The following DUOX2 variants were observed in gnomAD, a reference collection of about 807,000 sequenced individuals.
DUOX2 encodes the protein NADH/NADPH thyroid oxidase p138-tox.
Under a neutral mutation model 183.3 loss-of-function variants are expected in DUOX2, and 185 were observed. That is an observed-to-expected ratio of 1.01 (90% CI 0.90 to 1.14). DUOX2 has a LOEUF of 1.14. DUOX2 is among the 50% of genes most tolerant of loss of function. The pLI, the probability that DUOX2 is intolerant of heterozygous loss-of-function variation, is 0.00. For synonymous variants in DUOX2, 788 were observed against 812.4 expected (o/e 0.97, Z 0.51); for missense variants, 1,999 against 2,022.9 (o/e 0.99, Z 0.23).
intron 20 of DUOX2, among the ~76,000 whole-genome samples, chr15:45,103,614 T>C (rs1340025035): frequency 6.6e-6 from 1 of 152,092 alleles, no homozygotes. Flanking sequence ...TAGAGCACGG[T>C]GTTGGGCGTG....
intron 24 of DUOX2, 50 bp from the exon 25 acceptor site, chr15:45,099,942 C>A (rs774200790): frequency 3.7e-6 from 6 of 1,612,122 alleles, no homozygotes; most frequent in Non-Finnish European, 5.1e-6. Context: ...GCCAAGGTCC[C>A]GAGCCCTGGG....
chr15:45,100,740 T>C lies in DUOX2; in HGVS notation c.3005+15A>G, dbSNP rs1407755911. 1.2e-6 allele frequency: 2 copies of C among 1,612,490 alleles called. No homozygotes were observed. The highest frequency in any genetic ancestry group is 1.7e-6 in the Non-Finnish European group (2 of 1,178,638). On this transcript the variant is annotated intron_variant, in intron 23 of 33. Coordinates refer to ENST00000389039, the MANE Select transcript of DUOX2 (RefSeq NM_001363711.2). ...TCCATGTCTCTTTGGGCCCAGGGATTTGGGAGACACTCACTTTTTGCCAAA... is the reference window on the plus strand; with the variant it reads ...TCCATGTCTCTTTGGGCCCAGGGATCTGGGAGACACTCACTTTTTGCCAAA...
chr15:45,106,805 C>T (rs1339617340), intron 15 of DUOX2, 27 bp downstream of exon 15: 7 of 1,598,286 alleles, frequency 4.4e-6, no homozygotes, highest in Non-Finnish European at 6.0e-6. Flanking sequence ...CAGGGCCAGT[C>T]TGCAGAGAGG....
At position 45,101,892 on chromosome 15, in the gene DUOX2, C is replaced by A. The variant is rs1380632698; in HGVS notation, c.2752G>T (p.Glu918Ter). 1 of 1,614,230 alleles carries A rather than the reference C, an allele frequency of 6.2e-7. No homozygotes were observed. Among genetic ancestry groups the A allele is most frequent in the Admixed American group, 1.7e-5 (1 of 60,028 alleles). Residue 918 changes from glutamate to a stop codon, truncating the protein, a stop_gained, in exon 21 of 34, where the codon GAG (glutamate) becomes TAG (stop). Coordinates refer to ENST00000389039, the MANE Select transcript of DUOX2 (RefSeq NM_001363711.2). LOFTEE classifies it high-confidence loss of function. ...FRESGFQDKE[E>*]LTWEDFHFML... is the part of the protein sequence containing the mutation. ...AAGTGAAAATCCTCCCATGTCAGCTCCTCCTTGTCCTGGAATCCCGACTCC... is the reference window on the plus strand; with the variant it reads ...AAGTGAAAATCCTCCCATGTCAGCTACTCCTTGTCCTGGAATCCCGACTCC...
chr15:45,096,548 A>G (rs1421487667), intron 29 of DUOX2, among the ~76,000 whole-genome samples: 2 of 152,252 alleles, frequency 1.3e-5, no homozygotes, highest in African/African-American at 4.8e-5. Flanking sequence ...TGTCCTACAT[A>G]GAAGACAACA....
rs201514147 is a variant in DUOX2 at position 45,112,541 on chromosome 15, C to G, written c.325+13G>C. The G allele has an allele frequency of 7.9e-5, 127 of 1,612,482 alleles. 1 individual carries two copies. In the East Asian group the frequency reaches 2.6e-3, roughly 33 times the overall value. ...GCCAGATCAACCCCACTGGTCTCCC[C>G]CTTTGCCCTCACCAAAGAAGACCCC... On this transcript the variant is annotated intron_variant, in intron 4 of 33. Coordinates refer to ENST00000389039, the MANE Select transcript of DUOX2 (RefSeq NM_001363711.2).
At chr15:45,100,975 A>T (rs2141145568) in intron 22 of DUOX2, 137 bp from the exon 23 acceptor site, 1 of 692,858 alleles carries the variant, frequency 1.4e-6, no homozygotes. Flanking sequence ...AATTAATAGG[A>T]TCTCATGATT....
intron 29 of DUOX2, 43 bp from the exon 30 acceptor site, chr15:45,096,103 C>T: frequency 6.5e-7 from 1 of 1,539,570 alleles, no homozygotes; most frequent in Non-Finnish European, 9.0e-7. Flanking sequence ...AGAAGGCCTG[C>T]TCCTGGTACC....
intron 21 of DUOX2, 173 bp downstream of exon 21, chr15:45,101,620 T>A (rs1894082537): frequency 1.3e-6 from 1 of 778,940 alleles, no homozygotes; most frequent in Non-Finnish European, 2.1e-6. Flanking sequence ...TGGGTATCAT[T>A]GTGCATTAGG....
chr15:45,095,383 G>C, intron 31 of DUOX2, 54 bp downstream of exon 31: 4 of 1,609,436 alleles, frequency 2.5e-6, no homozygotes, highest in Non-Finnish European at 3.4e-6. Context: ...ACTTGATGCG[G>C]GTCACAATTC....
At chr15:45,106,387 G>A in intron 16 of DUOX2, 60 bp from the exon 17 acceptor site, 1 of 1,603,898 alleles carries the variant, frequency 6.2e-7, no homozygotes, top group Non-Finnish European at 8.5e-7. Context: ...CCCGCCTTCA[G>A]GTCAATTCCT....
intron 30 of DUOX2, 21 bp from the exon 31 acceptor site, chr15:45,095,616 T>G: frequency 6.2e-7 from 1 of 1,613,762 alleles, no homozygotes; most frequent in African/African-American, 1.3e-5. Flanking sequence ...AGGGGGGAGA[T>G]GAAATGAGCC....
chr15:45,099,373 C>G lies in DUOX2; in HGVS notation c.3515+10G>C, dbSNP rs1178568477. The G allele has an allele frequency of 6.2e-7, 1 of 1,613,162 alleles. No individual in the cohort carries two copies. Among genetic ancestry groups the G allele is most frequent in the African/African-American group, 1.3e-5 (1 of 75,014 alleles). ...TATGAGTCCCAGGAGAAACCATCCCCAGAACTGACCCATCATTCACAAAGA... is the reference window on the plus strand; with the variant it reads ...TATGAGTCCCAGGAGAAACCATCCCGAGAACTGACCCATCATTCACAAAGA... On this transcript the variant is annotated intron_variant, in intron 26 of 33. Coordinates refer to ENST00000389039, the MANE Select transcript of DUOX2 (RefSeq NM_001363711.2).
chr15:45,111,847 C>A lies in DUOX2; in HGVS notation c.434G>T (p.Arg145Leu), dbSNP rs1307235831. 1.9e-5 allele frequency: 30 copies of A among 1,613,378 alleles called. No homozygotes were observed. Among genetic ancestry groups the A allele is most frequent in the Non-Finnish European group, 2.5e-5 (29 of 1,179,938 alleles). ...PGDPVFDPDQ[R>L]GDVVLPFQRS... ...CTGGAAGGGCAGCACCACGTCCCCGCGCTGGTCGGGGTCGAACACGGGGTC... is the reference window on the plus strand; with the variant it reads ...CTGGAAGGGCAGCACCACGTCCCCGAGCTGGTCGGGGTCGAACACGGGGTC... The change falls in exon 5 of 34, where the codon CGC (arginine) becomes CTC (leucine). Residue 145 changes from arginine (R) to leucine (L), a missense_variant. Transcript: ENST00000389039.
At chr15:45,097,822 C>T in intron 27 of DUOX2, 81 bp from the exon 28 acceptor site, 51 of 1,605,866 alleles carry the variant, frequency 3.2e-5, no homozygotes, top group Non-Finnish European at 4.3e-5. Flanking sequence ...TTCCCCTATC[C>T]TTCCCTCCTT....
In DUOX2 at chr15:45,113,003, G is replaced by T. The variant is rs779289206; in HGVS notation, c.144C>A (p.His48Gln). 5 of 1,613,550 alleles carry T rather than the reference G, an allele frequency of 3.1e-6. No individual in the cohort carries two copies. Among genetic ancestry groups the T allele is most frequent in the Middle Eastern group, 1.7e-4 (1 of 6,042 alleles). Residue 48 changes from histidine to glutamine, a missense_variant, in exon 3 of 34, where the codon CAC (histidine) becomes CAA (glutamine). By Grantham distance (24) the His-to-Gln change is conservative. Coordinates refer to ENST00000389039, the MANE Select transcript of DUOX2 (RefSeq NM_001363711.2). Reference sequence around the variant, plus strand: ...AGAACGCACCAACAGCACCACGCTCGTGGTGCCTCAGGTTGTTAAACCAGC... The same window carrying T: ...AGAACGCACCAACAGCACCACGCTCTTGGTGCCTCAGGTTGTTAAACCAGC... ...YDGWFNNLRH[H>Q]ERGAVGCRLQ...
intron 11 of DUOX2, chr15:45,109,200 A>G: frequency 1.6e-6 from 1 of 614,754 alleles, no homozygotes; most frequent in Non-Finnish European, 2.9e-6. Flanking sequence ...CAAGCAGTAA[A>G]TTCCCTGTCC....
rs747607646 is a variant in DUOX2 at position 45,109,924 on chromosome 15, G to A, written c.1097C>T (p.Ala366Val). The change falls in exon 10 of 34, where the codon GCT (alanine) becomes GTT (valine). Residue 366 changes from alanine (A) to valine (V), a missense_variant. Around this residue, in one of 3 missense-constraint regions of DUOX2, gnomAD observed 1,628 missense variants for 1,608.6 expected, o/e 1.01. Transcript: ENST00000389039. Reference protein sequence around the residue: ...VLNKGFQSSQALRVCNNYWIR... With the variant: ...VLNKGFQSSQVLRVCNNYWIR... ...CCAGTAGTTGTTGCAGACCCTGAGA[G>A]CTTGGGAGCTTTGAAAACCCTTGTT... 1.9e-6 allele frequency: 3 copies of A among 1,614,176 alleles called. No homozygotes were observed. In the East Asian group the frequency reaches 6.7e-5, roughly 36 times the overall value.
intron 2 of DUOX2, 66 bp downstream of exon 2, chr15:45,113,276 C>T: frequency 6.5e-7 from 1 of 1,533,698 alleles, no homozygotes; most frequent in Non-Finnish European, 8.8e-7. Context: ...CTTGCCGCAC[C>T]TCTCCCCGCC....
Sources: allele counts gnomAD v4.1 joint callset (sites outside exome capture counted in the v4.1 genomes callset), GRCh38; gene constraint gnomAD v4.1.1; regional missense constraint gnomAD v4.1.1; transcripts MANE v1.5; gene names NCBI Gene and HGNC (gene_info 2026-07-23, HGNC 2026-07-21).